P3H2: variants seen among roughly 807,000 people sequenced by gnomAD.
The protein encoded by P3H2 is prolyl 3-hydroxylase 2.
A neutral mutation model predicts 87.0 loss-of-function variants in P3H2; 80 were observed. The observed-to-expected ratio is 0.92, with a 90% CI of 0.77 to 1.11. P3H2 has a LOEUF of 1.11. Ranked by LOEUF, P3H2 falls within the 50% of genes least tolerant of loss-of-function variation. The probability of loss-of-function intolerance (pLI) is 0.00; values close to 1 mark genes in which losing one functional copy is unlikely to be tolerated. For missense variants in P3H2, 1,001 were observed against 923.9 expected, an observed-to-expected ratio of 1.08 and a Z score of -1.08; for synonymous variants, 367 against 359.3, an observed-to-expected ratio of 1.02 and a Z score of -0.24.
At chr3:190,041,587 T>C (rs1666402) in intron 1 of P3H2, among the ~76,000 whole-genome samples, 95,358 of 151,982 alleles carry the variant, frequency 0.63, 30,601 homozygotes, top group Admixed American at 0.73. Context: ...TAATAGCTAC[T>C]TTGCAACCTG....
At chr3:190,116,481 A>C (rs1712292362) in intron 1 of P3H2, 1 of 152,220 alleles carries the variant, frequency 6.6e-6, no homozygotes, top group South Asian at 2.1e-4. Context: ...AATTAATCCC[A>C]TATCTATCCA....
intron 1 of P3H2, among the ~76,000 whole-genome samples, chr3:190,062,775 A>G (rs1403980652): frequency 6.6e-6 from 1 of 152,076 alleles, no homozygotes; most frequent in Non-Finnish European, 1.5e-5. Context: ...CATCAGTGAG[A>G]TAACGTTATT....
intron 1 of P3H2, among the ~76,000 whole-genome samples, chr3:190,105,960 A>G (rs1259163354): frequency 6.6e-6 from 1 of 152,224 alleles, no homozygotes; most frequent in Non-Finnish European, 1.5e-5. Context: ...CTAAACAAAA[A>G]GCAGTTTCAT....
chr3:189,971,183 G>A (rs532795530), intron 12 of P3H2, among the ~76,000 whole-genome samples: 5 of 152,252 alleles, frequency 3.3e-5, no homozygotes, highest in Admixed American at 1.3e-4. Flanking sequence ...ATTTAATCTA[G>A]CCCTTTGAAC....
intron 8 of P3H2, 43 bp from the exon 9 acceptor site, chr3:189,974,728 C>T: frequency 6.2e-7 from 1 of 1,613,378 alleles, no homozygotes. Flanking sequence ...ACCTCTGTCC[C>T]CCGAAAGGAA....
chr3:190,045,776 GA>G (rs368984204), intron 1 of P3H2, among the ~76,000 whole-genome samples: 1 of 149,140 alleles, frequency 6.7e-6, no homozygotes, highest in Non-Finnish European at 1.5e-5. Context: ...CGTCTTTCCT[GA>G]AAAAAAAAAG....
intron 1 of P3H2, among the ~76,000 whole-genome samples, chr3:190,032,830 G>A (rs1032807741): frequency 6.6e-6 from 1 of 152,096 alleles, no homozygotes; most frequent in African/African-American, 2.4e-5. Context: ...CATGCACCAC[G>A]GTGGGGATTG....
chr3:189,973,499 C>CTTTTTTTTTT (rs750495361), intron 10 of P3H2, among the ~76,000 whole-genome samples: 4 of 41,452 alleles, frequency 9.6e-5, no homozygotes, highest in Admixed American at 3.0e-4. Flanking sequence ...TTTTTTCTTT[C>CTTTTTTTTTT]TTTCTTTCTT....
intron 8 of P3H2, among the ~76,000 whole-genome samples, chr3:189,976,435 C>T (rs972721124): frequency 1.3e-5 from 2 of 152,180 alleles, no homozygotes; most frequent in African/African-American, 2.4e-5. Context: ...AGGGAAACTC[C>T]CGTTTATAAA....
chr3:190,005,734 C>T (rs1724367688), intron 1 of P3H2, among the ~76,000 whole-genome samples: 1 of 152,178 alleles, frequency 6.6e-6, no homozygotes, highest in Non-Finnish European at 1.5e-5. Flanking sequence ...CATTTCAGCT[C>T]ATGCAAAGGA....
intron 12 of P3H2, 91 bp downstream of exon 12, chr3:189,971,799 C>T (rs947689420): frequency 9.8e-6 from 8 of 816,656 alleles, no homozygotes; most frequent in Middle Eastern, 2.3e-4. Flanking sequence ...GATATGAACA[C>T]GACGTCAAGC....
intron 1 of P3H2, among the ~76,000 whole-genome samples, chr3:190,103,360 T>C (rs1560402607): frequency 6.6e-6 from 1 of 152,226 alleles, no homozygotes; most frequent in South Asian, 2.1e-4. Context: ...TTAGGAGGTA[T>C]TGATCATAAG....
At chr3:189,978,861 T>C (rs1723435322) in intron 8 of P3H2, among the ~76,000 whole-genome samples, 1 of 152,188 alleles carries the variant, frequency 6.6e-6, no homozygotes, top group Admixed American at 6.5e-5. Context: ...TTCTGGGGCC[T>C]GATTTGATGG....
At position 189,986,520 on chromosome 3, in the gene P3H2, C is replaced by T. The variant is rs142213122; in HGVS notation, c.1188+268G>A. Among the ~76,000 whole-genome samples the T allele has an allele frequency of 4.4e-3, 666 of 152,208 alleles. 5 individuals are homozygous for T. The highest frequency in any genetic ancestry group is 0.015 in the African/African-American group (621 of 41,534). ...AGGAGAATTGCTTGAATCCAGGAGGCGGAGGTTGCAGTGAGCCGAGATCAC... is the reference window on the plus strand; with the variant it reads ...AGGAGAATTGCTTGAATCCAGGAGGTGGAGGTTGCAGTGAGCCGAGATCAC... On this transcript the variant is annotated intron_variant, in intron 6 of 14. Transcript: ENST00000319332.
At chr3:190,012,207 G>GGTGTGTGTGT (rs3062120) in intron 1 of P3H2, among the ~76,000 whole-genome samples, 20,184 of 145,488 alleles carry the variant, frequency 0.14, 1,587 homozygotes, top group Admixed American at 0.23. Flanking sequence ...TGTAGGTAAA[G>GGTGTGTGTGT]GTGTGTGTGT....
chr3:189,990,070 TC>T (rs199753425), intron 3 of P3H2, among the ~76,000 whole-genome samples: 1 of 151,694 alleles, frequency 6.6e-6, no homozygotes, highest in Non-Finnish European at 1.5e-5. Flanking sequence ...TGCCTTTTTT[TC>T]AAAAGGTTCT....
chr3:190,016,498 C>T (rs1724758357), intron 1 of P3H2, among the ~76,000 whole-genome samples: 1 of 152,158 alleles, frequency 6.6e-6, no homozygotes, highest in Admixed American at 6.5e-5. Context: ...CCCGCCTCGG[C>T]CTCCCAAAGT....
chr3:189,957,126 G>T lies in P3H2; in HGVS notation c.*786C>A, dbSNP rs1722657459. ...AGCCAAAAATTCCACCAAGGCCCTG[G>T]AAAGACTGAAGTCCCCTCTGTCTCA... On this transcript the variant is annotated 3_prime_UTR_variant, in exon 15 of 15. Coordinates refer to ENST00000319332, the MANE Select transcript of P3H2 (RefSeq NM_018192.4). The T allele has an allele frequency of 2.5e-6, 1 of 398,440 alleles. No homozygotes were observed. Among genetic ancestry groups the T allele is most frequent in the Non-Finnish European group, 4.4e-6 (1 of 226,082 alleles). The allele number at this position is 398,440 out of a possible 1,614,324, so 24.7% of individuals were successfully genotyped here.
At chr3:190,000,090 C>A (rs1365098833) in intron 1 of P3H2, among the ~76,000 whole-genome samples, 1 of 152,204 alleles carries the variant, frequency 6.6e-6, no homozygotes, top group African/African-American at 2.4e-5. Context: ...ATTCAAAAAT[C>A]TCCAGTAGTC....
Sources: allele counts gnomAD v4.1 joint callset (sites outside exome capture counted in the v4.1 genomes callset), GRCh38; gene constraint gnomAD v4.1.1; transcripts MANE v1.5; gene names NCBI Gene and HGNC (gene_info 2026-07-23, HGNC 2026-07-21).